Variants in MXD1 observed in about 807,000 individuals in gnomAD.
The protein encoded by MXD1 is MAX dimerization protein 1, also known as MAX-binding protein.
Under a neutral mutation model 25.7 loss-of-function variants are expected in MXD1, and 9 were observed. That is an observed-to-expected ratio of 0.35 (90% CI 0.21 to 0.61). The LOEUF (loss-of-function observed/expected upper bound fraction) is 0.61, where lower values mean the gene tolerates loss of function less well. Ranked by LOEUF, MXD1 falls within the 20% of genes least tolerant of loss-of-function variation. The probability of loss-of-function intolerance (pLI) is 0.75; values close to 1 mark genes in which losing one functional copy is unlikely to be tolerated. For missense variants in MXD1, 227 were observed against 292.4 expected (o/e 0.78, Z 1.63); for synonymous variants, 99 against 113.9 (o/e 0.87, Z 0.83).
chr2:69,923,649 T>C (rs775092847), intron 3 of MXD1, among the ~76,000 whole-genome samples: 41 of 152,282 alleles, frequency 2.7e-4, no homozygotes, highest in Admixed American at 2.3e-3. Context: ...CATCCCATCG[T>C]CTTCCCTTTT....
chr2:69,938,339 G>A lies in MXD1; in HGVS notation c.*55G>A. On this transcript the variant is annotated 3_prime_UTR_variant, in exon 6 of 6. Transcript: ENST00000264444. ...AGGTTCTCCCTGTTGGTTCTGATTA[G>A]GTAACGTATTGGACCTGCCCACAAC... 2 of 1,579,196 alleles carry A rather than the reference G, an allele frequency of 1.3e-6. No homozygotes were observed. The highest frequency in any genetic ancestry group is 2.2e-5 in the East Asian group (1 of 44,560).
At chr2:69,926,438 T>G (rs934604004) in intron 3 of MXD1, among the ~76,000 whole-genome samples, 1 of 152,204 alleles carries the variant, frequency 6.6e-6, no homozygotes, top group Non-Finnish European at 1.5e-5. Flanking sequence ...TTTGGGGAGT[T>G]TAAAAATTGA....
rs1052712538 is a variant in MXD1 at position 69,938,971 on chromosome 2, G to A, written c.*687G>A. ...AATTGTTTGTTCTCACAAACAAAACGGTACAATCTATTTTTGTGCGATGTT... is the reference window on the plus strand; with the variant it reads ...AATTGTTTGTTCTCACAAACAAAACAGTACAATCTATTTTTGTGCGATGTT... On this transcript the variant is annotated 3_prime_UTR_variant, in exon 6 of 6. Transcript: ENST00000264444. 1.3e-5 allele frequency: 2 copies of A among 152,540 alleles called. No homozygotes were observed. The highest frequency in any genetic ancestry group is 3.8e-4 in the East Asian group (2 of 5,202). 9.4% of individuals were successfully genotyped at this position (152,540 alleles called of 1,614,324 possible).
intron 3 of MXD1, among the ~76,000 whole-genome samples, chr2:69,925,981 C>G (rs1332957948): frequency 6.6e-6 from 1 of 152,148 alleles, no homozygotes; most frequent in Non-Finnish European, 1.5e-5. Context: ...ATTTGCATTT[C>G]TCATACTACT....
Position 69,940,777 on chromosome 2 carries a change from C to T in MXD1, c.*2493C>T, listed in dbSNP as rs878958116. 6.6e-6 allele frequency: 1 copy of T among 152,536 alleles called. No homozygotes were observed. The highest frequency in any genetic ancestry group is 1.5e-5 in the Non-Finnish European group (1 of 68,024). The allele number at this position is 152,536 out of a possible 1,614,324, so 9.4% of individuals were successfully genotyped here. On this transcript the variant is annotated 3_prime_UTR_variant, in exon 6 of 6. Transcript: ENST00000264444. ...ATTACTTTCAAAGCTTGAGGTAGAC[C>T]GAGTCAGCATGCTAGACAGGCTTCT...
At chr2:69,929,397 G>T (rs980078671) in intron 3 of MXD1, among the ~76,000 whole-genome samples, 1 of 152,198 alleles carries the variant, frequency 6.6e-6, no homozygotes, top group Admixed American at 6.5e-5. Flanking sequence ...CTACTCTGTT[G>T]AATCTATTCC....
rs373854228 is a variant in MXD1, at chr2:69,938,058, C to T, written c.479-39C>T. The T allele has an allele frequency of 8.3e-5, 132 of 1,591,906 alleles. 1 individual carries two copies. Among genetic ancestry groups the T allele is most frequent in the African/African-American group, 6.2e-4 (46 of 74,560 alleles). On this transcript the variant is annotated intron_variant, in intron 5 of 5. Coordinates refer to ENST00000264444, the MANE Select transcript of MXD1 (RefSeq NM_002357.4). ...CACCACGCCTGAGCTTTCTGCAGAG[C>T]GCTTTCATCAATGTCCTTCTCTCTT...
Position 69,915,395 on chromosome 2 carries a change from G to A in MXD1, c.65G>A (p.Arg22Gln), listed in dbSNP as rs1361725901. Residue 22 changes from arginine (R) to glutamine (Q), a missense_variant, in exon 1 of 6, where the codon CGG becomes CAG. Arg to Gln is a conservative substitution (Grantham distance 43, BLOSUM62 1). Coordinates refer to ENST00000264444, the MANE Select transcript of MXD1 (RefSeq NM_002357.4). This position sits in a 1 kb window ranked among gnomAD's most constrained non-coding sequence, Gnocchi z 5.8. ...LLEAADYLER[R>Q]EREAEHGYAS... Reference sequence around the variant, plus strand: ...GAGGCGGCCGACTATCTGGAGCGGCGGGAGAGAGGTGCACGGGGACGGGGA... The same window carrying A: ...GAGGCGGCCGACTATCTGGAGCGGCAGGAGAGAGGTGCACGGGGACGGGGA... 3.1e-6 allele frequency: 4 copies of A among 1,283,680 alleles called. No individual in the cohort carries two copies. In the African/African-American group the frequency reaches 6.2e-5, roughly 20 times the overall value. 79.5% of individuals were successfully genotyped at this position (1,283,680 alleles called of 1,614,324 possible).
chr2:69,930,164 T>C (rs1179000118), intron 3 of MXD1, among the ~76,000 whole-genome samples: 1 of 152,238 alleles, frequency 6.6e-6, no homozygotes, highest in Non-Finnish European at 1.5e-5. Context: ...TCAATTTTCT[T>C]GTGTCTTTCA....
At chr2:69,933,461 C>G (rs1677348528) in intron 3 of MXD1, among the ~76,000 whole-genome samples, 2 of 152,122 alleles carry the variant, frequency 1.3e-5, no homozygotes, top group Middle Eastern at 3.4e-3. Context: ...TTTGCTCTGA[C>G]TCTGCCACAT....
intron 2 of MXD1, among the ~76,000 whole-genome samples, chr2:69,920,936 C>G (rs907771670): frequency 3.9e-5 from 6 of 152,158 alleles, no homozygotes; most frequent in African/African-American, 1.4e-4. Flanking sequence ...GTTTCATATC[C>G]ATCACACCTT....
At chr2:69,921,643 T>C (rs2104167499) in intron 2 of MXD1, 93 bp from the exon 3 acceptor site, 1 of 1,188,944 alleles carries the variant, frequency 8.4e-7, no homozygotes, top group Non-Finnish European at 1.2e-6. Context: ...CTATCAACTT[T>C]GGAGAGAAAG....
rs1677593876 is a variant in MXD1 at position 69,941,248 on chromosome 2, T to TA, written c.*2965dup. On this transcript the variant is annotated 3_prime_UTR_variant, in exon 6 of 6. Coordinates refer to ENST00000264444, the MANE Select transcript of MXD1 (RefSeq NM_002357.4). ...AATTTAATTTCATGCAGTGGGAAAA[T>TA]ATATATGTGTGCTTCTGTAACATCC... 1 of 152,174 alleles carries TA rather than the reference T, an allele frequency of 6.6e-6. No individual in the cohort carries two copies. Among genetic ancestry groups the TA allele is most frequent in the South Asian group, 2.1e-4 (1 of 4,830 alleles). The allele number at this position is 152,174 out of a possible 1,614,324, so 9.4% of individuals were successfully genotyped here.
chr2:69,937,487 A>T, intron 5 of MXD1, 93 bp downstream of exon 5: 1 of 1,241,514 alleles, frequency 8.1e-7, no homozygotes, highest in East Asian at 2.5e-5. Context: ...GAGTGTAAGA[A>T]GAACTAAGAC....
intron 2 of MXD1, among the ~76,000 whole-genome samples, chr2:69,920,489 C>T (rs1478525099): frequency 9.9e-5 from 15 of 152,180 alleles, no homozygotes; most frequent in Admixed American, 8.5e-4. Context: ...AGACAACCTC[C>T]TCACTTCCGC....
chr2:69,933,505 A>G (rs914469329), intron 3 of MXD1, among the ~76,000 whole-genome samples: 10 of 38,734 alleles, frequency 2.6e-4, no homozygotes, highest in African/African-American at 1.8e-3. Flanking sequence ...AAAGACTTAC[A>G]AAATAGTAAA....
chr2:69,918,805 T>C (rs531083394), intron 2 of MXD1, among the ~76,000 whole-genome samples: 1 of 152,356 alleles, frequency 6.6e-6, no homozygotes, highest in East Asian at 1.9e-4. Flanking sequence ...CATAATCACA[T>C]GGAAAATAGT....
intron 3 of MXD1, among the ~76,000 whole-genome samples, chr2:69,929,059 A>G (rs1677224776): frequency 6.6e-6 from 1 of 152,062 alleles, no homozygotes; most frequent in Admixed American, 6.6e-5. Context: ...GCACCTGGCT[A>G]ATTTTTGTAT....
intron 3 of MXD1, 42 bp downstream of exon 3, chr2:69,921,807 T>G (rs763729880): frequency 1.2e-6 from 2 of 1,604,368 alleles, no homozygotes; most frequent in Non-Finnish European, 1.7e-6. Flanking sequence ...GGAGCTTTGT[T>G]GCATTCTCTG....
Sources: gnomAD v4.1 joint callset for allele counts (sites outside exome capture counted in the v4.1 genomes callset) on GRCh38, gnomAD v4.1.1 for gene constraint, Gnocchi (gnomAD v3.1) non-coding constraint, MANE v1.5 for transcripts, NCBI Gene and HGNC (gene_info 2026-07-23, HGNC 2026-07-21) for gene names.